The following PPM1E variants were observed in gnomAD, a reference collection of about 807,000 sequenced individuals.
PPM1E encodes the protein protein phosphatase, Mg2+/Mn2+ dependent 1E.
In PPM1E, 20 loss-of-function variants were observed where a neutral mutation model predicts 65.9. The ratio of observed to expected loss-of-function variants is 0.30; its 90% CI spans 0.21 to 0.44. The LOEUF is 0.44. PPM1E is among the 20% of genes least tolerant of loss of function. The pLI is 1.00. For synonymous variants in PPM1E, 352 were observed against 374.9 expected, an observed-to-expected ratio of 0.94 and a Z score of 0.70; for missense variants, 713 against 953.1, an observed-to-expected ratio of 0.75 and a Z score of 3.32.
intron 1 of PPM1E, among the ~76,000 whole-genome samples, chr17:58,901,908 G>A (rs777683096): frequency 1.0e-4 from 15 of 150,656 alleles, no homozygotes; most frequent in Admixed American, 5.3e-4. Flanking sequence ...CCCATGATGC[G>A]GAGGTTGCAG....
In PPM1E at chr17:58,982,390, G is replaced by A. The variant is rs1340342004; in HGVS notation, c.*1359G>A. On this transcript the variant is annotated 3_prime_UTR_variant, in exon 7 of 7. Coordinates refer to ENST00000308249, the MANE Select transcript of PPM1E (RefSeq NM_014906.5). ...CTCTAAGAGTCACGAATGTCTTAGT[G>A]TTACCCTCCCCTAGTCAACAGCAGA... The A allele has an allele frequency of 1.3e-5, 2 of 152,590 alleles. No individual in the cohort carries two copies. The highest frequency in any genetic ancestry group is 4.8e-5 in the African/African-American group (2 of 41,456). 9.5% of individuals were successfully genotyped at this position (152,590 alleles called of 1,614,324 possible).
chr17:58,957,353 A>G (rs540939285), intron 2 of PPM1E, among the ~76,000 whole-genome samples: 1 of 152,346 alleles, frequency 6.6e-6, no homozygotes, highest in African/African-American at 2.4e-5. Context: ...CTACATGCCT[A>G]CTTTGGAAGA....
At chr17:58,785,786 T>G (rs2050095072) in intron 1 of PPM1E, among the ~76,000 whole-genome samples, 2 of 151,836 alleles carry the variant, frequency 1.3e-5, no homozygotes, top group Admixed American at 6.6e-5. Flanking sequence ...CACGTTTCAG[T>G]TCATGTTTTC....
intron 1 of PPM1E, among the ~76,000 whole-genome samples, chr17:58,883,112 C>T (rs548841524): frequency 1.8e-3 from 276 of 151,924 alleles, no homozygotes; most frequent in African/African-American, 6.3e-3. Flanking sequence ...CCTGCCACCA[C>T]GCCCAGCTAA....
chr17:58,879,275 C>CATA (rs71143298), intron 1 of PPM1E, among the ~76,000 whole-genome samples: 8 of 149,146 alleles, frequency 5.4e-5, no homozygotes, highest in Non-Finnish European at 1.2e-4. Context: ...TCTCCACATA[C>CATA]TATATATAAT....
intron 1 of PPM1E, among the ~76,000 whole-genome samples, chr17:58,903,674 C>A (rs1228498383): frequency 2.0e-5 from 3 of 152,284 alleles, no homozygotes; most frequent in African/African-American, 7.2e-5. Flanking sequence ...CTAATCCCAG[C>A]TTCTGGGTTG....
intron 1 of PPM1E, among the ~76,000 whole-genome samples, chr17:58,920,334 G>A (rs1283309753): frequency 6.6e-6 from 1 of 152,116 alleles, no homozygotes; most frequent in Non-Finnish European, 1.5e-5. Flanking sequence ...CTCACCTCCA[G>A]TGATCTTGTC....
intron 1 of PPM1E, among the ~76,000 whole-genome samples, chr17:58,857,845 A>C (rs878890618): frequency 6.6e-6 from 1 of 152,136 alleles, no homozygotes; most frequent in Non-Finnish European, 1.5e-5. Flanking sequence ...TATTTTAATA[A>C]TTTCAGGAAG....
chr17:58,876,490 CAT>C (rs1167875964), intron 1 of PPM1E, among the ~76,000 whole-genome samples: 9 of 151,970 alleles, frequency 5.9e-5, no homozygotes, highest in East Asian at 1.9e-4. Flanking sequence ...GTTATAATGA[CAT>C]AAAGATTTAT....
At chr17:58,874,427 T>C (rs976346099) in intron 1 of PPM1E, among the ~76,000 whole-genome samples, 1 of 152,212 alleles carries the variant, frequency 6.6e-6, no homozygotes, top group Admixed American at 6.5e-5. Context: ...GATTTGTGTT[T>C]TATAATTTTA....
At chr17:58,930,463 C>T (rs949801265) in intron 1 of PPM1E, among the ~76,000 whole-genome samples, 1 of 150,702 alleles carries the variant, frequency 6.6e-6, no homozygotes, top group Non-Finnish European at 1.5e-5. Flanking sequence ...GACCCTGTCT[C>T]AAAAAAAGAA....
chr17:58,815,080 AC>A (rs2143110145), intron 1 of PPM1E, among the ~76,000 whole-genome samples: 1 of 152,192 alleles, frequency 6.6e-6, no homozygotes, highest in Non-Finnish European at 1.5e-5. Context: ...AACCACTTAA[AC>A]TTTTGCCCTC....
At chr17:58,785,971 T>TA (rs1326439692) in intron 1 of PPM1E, among the ~76,000 whole-genome samples, 2 of 139,320 alleles carry the variant, frequency 1.4e-5, no homozygotes, top group African/African-American at 5.0e-5. Flanking sequence ...AACCTCAGCA[T>TA]ATGATTTTTT....
At chr17:58,882,131 C>T (rs1403681734) in intron 1 of PPM1E, among the ~76,000 whole-genome samples, 1 of 151,886 alleles carries the variant, frequency 6.6e-6, no homozygotes, top group Non-Finnish European at 1.5e-5. Flanking sequence ...ATTATCATGT[C>T]ACTGCACTAT....
At chr17:58,890,651 A>G (rs1355428193) in intron 1 of PPM1E, among the ~76,000 whole-genome samples, 2 of 152,160 alleles carry the variant, frequency 1.3e-5, no homozygotes, top group Admixed American at 6.5e-5. Context: ...ACACACATAT[A>G]TATATATACA....
intron 1 of PPM1E, among the ~76,000 whole-genome samples, chr17:58,898,250 T>A: frequency 7.0e-6 from 1 of 143,408 alleles, no homozygotes; most frequent in Non-Finnish European, 1.5e-5. Flanking sequence ...GGAGACTGCG[T>A]CTCAAAAAAA....
chr17:58,846,418 C>T (rs1227623819), intron 1 of PPM1E, among the ~76,000 whole-genome samples: 3 of 152,252 alleles, frequency 2.0e-5, no homozygotes, highest in South Asian at 2.1e-4. Context: ...TATCCCTCCC[C>T]GTTTCCCCCA....
intron 1 of PPM1E, among the ~76,000 whole-genome samples, chr17:58,772,083 G>C (rs2049944553): frequency 2.0e-5 from 3 of 152,150 alleles, no homozygotes; most frequent in Non-Finnish European, 4.4e-5. Context: ...GTAAGTGTTA[G>C]AATCAGAATT....
At chr17:58,769,307 AAG>A (rs145517444) in intron 1 of PPM1E, among the ~76,000 whole-genome samples, 232 of 152,292 alleles carry the variant, frequency 1.5e-3, no homozygotes, top group African/African-American at 5.4e-3. Context: ...TTTAAGTAAA[AAG>A]AGAGACTGGG....
Sources: gnomAD v4.1 joint callset for allele counts (sites outside exome capture counted in the v4.1 genomes callset) on GRCh38, gnomAD v4.1.1 for gene constraint, MANE v1.5 for transcripts, NCBI Gene and HGNC (gene_info 2026-07-23, HGNC 2026-07-21) for gene names.